The following FARS2 variants were observed in gnomAD, a reference collection of about 807,000 sequenced individuals.
FARS2 encodes phenylalanine--tRNA ligase, mitochondrial.
FARS2 carries 40 observed loss-of-function variants against 46.4 expected under a neutral mutation model. The ratio of observed to expected loss-of-function variants is 0.86; its 90% CI spans 0.67 to 1.12. The LOEUF is 1.12. Ranked by LOEUF, FARS2 falls within the 50% of genes most tolerant of loss-of-function variation. The probability of loss-of-function intolerance (pLI) is 0.00; values close to 1 mark genes in which losing one functional copy is unlikely to be tolerated. For missense variants in FARS2, 513 were observed against 567.9 expected, an observed-to-expected ratio of 0.90 and a Z score of 0.98; for synonymous variants, 234 against 214.9, an observed-to-expected ratio of 1.09 and a Z score of -0.78.
intron 6 of FARS2, among the ~76,000 whole-genome samples, chr6:5,696,064 C>T (rs955004289): frequency 2.6e-5 from 4 of 152,218 alleles, no homozygotes; most frequent in African/African-American, 9.6e-5. Flanking sequence ...GGATAATGTT[C>T]AGTGCTGTCA....
intron 4 of FARS2, chr6:5,458,067 T>A (rs1226948047): frequency 6.6e-6 from 1 of 152,390 alleles, no homozygotes; most frequent in East Asian, 1.9e-4. Flanking sequence ...CCCAGCCCTC[T>A]CCTGCGAGGG....
At chr6:5,666,996 C>A (rs1279398760) in intron 6 of FARS2, among the ~76,000 whole-genome samples, 1 of 152,122 alleles carries the variant, frequency 6.6e-6, no homozygotes, top group Non-Finnish European at 1.5e-5. Context: ...AATGTTCTCA[C>A]GTACAAGTGG....
rs2127642856 is a variant in FARS2, at chr6:5,368,654, G to A, written c.84G>A (p.Gln28=). The change falls in exon 2 of 7, where the codon CAG becomes CAA. Residue 28 remains glutamine, a synonymous_variant. Coordinates refer to ENST00000274680, the MANE Select transcript of FARS2 (RefSeq NM_006567.5). The part of the protein sequence containing the change: ...SKASHISRGH[Q]HQAWGSRPPA... ...CCAGTCACATCTCCAGAGGCCATCA[G>A]CACCAGGCCTGGGGATCGAGGCCTC... 6.2e-7 allele frequency: 1 copy of A among 1,614,200 alleles called. No individual in the cohort carries two copies. The highest frequency in any genetic ancestry group is 8.5e-7 in the Non-Finnish European group (1 of 1,180,038).
intron 4 of FARS2, among the ~76,000 whole-genome samples, chr6:5,464,340 T>A (rs1765400046): frequency 6.6e-6 from 1 of 152,220 alleles, no homozygotes; most frequent in Non-Finnish European, 1.5e-5. Flanking sequence ...TGGACAGTCC[T>A]GACCTGGACT....
rs745482433 is a variant in FARS2, at chr6:5,471,673, G to T, written c.904+40501G>T. On this transcript the variant is annotated intron_variant, in intron 4 of 6. Coordinates refer to ENST00000274680, the MANE Select transcript of FARS2 (RefSeq NM_006567.5). This position sits in a 1 kb window ranked among gnomAD's most constrained non-coding sequence, Gnocchi z 4.1. ...AGCAGTCCTGGAATCCTATTGCCTA[G>T]TGTAGGCAGATCATATTCTGTATGA... Among the ~76,000 whole-genome samples, 2 of 152,200 alleles carry T rather than the reference G, an allele frequency of 1.3e-5. No homozygotes were observed. The highest frequency in any genetic ancestry group is 2.4e-5 in the African/African-American group (1 of 41,450).
At chr6:5,722,803 C>G in intron 6 of FARS2, among the ~76,000 whole-genome samples, 1 of 152,140 alleles carries the variant, frequency 6.6e-6, no homozygotes, top group Non-Finnish European at 1.5e-5. Context: ...CCCCTCACCC[C>G]ACTTCCACCT....
chr6:5,368,665 G>A lies in FARS2; in HGVS notation c.95G>A (p.Trp32Ter), dbSNP rs747659489. 6.2e-7 allele frequency: 1 copy of A among 1,614,162 alleles called. No individual in the cohort carries two copies. The highest frequency in any genetic ancestry group is 8.5e-7 in the Non-Finnish European group (1 of 1,180,024). The stretch of plus-strand genomic sequence containing the variant: ...TCCAGAGGCCATCAGCACCAGGCCT[G>A]GGGATCGAGGCCTCCTGCAGCAGAG... ...HISRGHQHQA[W>*]GSRPPAAECA... The change falls in exon 2 of 7, where the codon TGG becomes TAG. Residue 32 changes from tryptophan (W) to a stop codon, truncating the protein, a stop_gained. Coordinates refer to ENST00000274680, the MANE Select transcript of FARS2 (RefSeq NM_006567.5). LOFTEE classifies it high-confidence loss of function.
intron 4 of FARS2, among the ~76,000 whole-genome samples, chr6:5,540,260 A>G (rs573468860): frequency 1.6e-4 from 24 of 152,276 alleles, no homozygotes; most frequent in African/African-American, 2.2e-4. Flanking sequence ...TGATATTTCT[A>G]TTTTGACAAA....
At chr6:5,523,744 T>G (rs957386245) in intron 4 of FARS2, among the ~76,000 whole-genome samples, 4 of 152,198 alleles carry the variant, frequency 2.6e-5, no homozygotes, top group Non-Finnish European at 5.9e-5. Flanking sequence ...TGTGTGTGTG[T>G]TTTCTCAGCT....
intron 4 of FARS2, among the ~76,000 whole-genome samples, chr6:5,459,151 A>G (rs1423247084): frequency 6.6e-6 from 1 of 152,218 alleles, no homozygotes; most frequent in East Asian, 1.9e-4. Context: ...GCAGTCTAAT[A>G]ATCCGTGTCT....
At chr6:5,712,612 C>G (rs1759244730) in intron 6 of FARS2, among the ~76,000 whole-genome samples, 1 of 152,250 alleles carries the variant, frequency 6.6e-6, no homozygotes, top group Non-Finnish European at 1.5e-5. Context: ...ATTCACTCCC[C>G]TACTTACAAA....
At chr6:5,259,139 T>A (rs997317530), upstream of FARS2, among the ~76,000 whole-genome samples, 1 of 152,198 alleles carries the variant, frequency 6.6e-6, no homozygotes, top group African/African-American at 2.4e-5. Context: ...ACATAAACCC[T>A]CTCCCTGCCA....
intron 1 of FARS2, among the ~76,000 whole-genome samples, chr6:5,262,576 G>A (rs1561915333): frequency 6.6e-6 from 1 of 152,136 alleles, no homozygotes; most frequent in Non-Finnish European, 1.5e-5. Flanking sequence ...ATCACGCCCA[G>A]CCTCTATTTT....
At chr6:5,412,587 C>T (rs781593535) in intron 3 of FARS2, among the ~76,000 whole-genome samples, 5 of 152,178 alleles carry the variant, frequency 3.3e-5, no homozygotes, top group African/African-American at 1.2e-4. Flanking sequence ...TAAGGAATCA[C>T]GTCTTCCATA....
At chr6:5,563,087 GA>G (rs146638264) in intron 5 of FARS2, among the ~76,000 whole-genome samples, 39,354 of 151,712 alleles carry the variant, frequency 0.26, 5,907 homozygotes, top group East Asian at 0.51. Flanking sequence ...GAGACAGAGG[GA>G]GGGGGGCTCC....
rs1194373886 is a variant in FARS2, at chr6:5,764,124, G to A, written c.1218-7167G>A. 6.6e-6 allele frequency among the ~76,000 whole-genome samples: 1 copy of A among 152,034 alleles called. No individual in the cohort carries two copies. Among genetic ancestry groups the A allele is most frequent in the Non-Finnish European group, 1.5e-5 (1 of 68,014 alleles). Reference sequence around the variant, plus strand: ...CTGGCTCTGTATTAACACTCTACACGCCCCCTCATTCAGTCCTCACAAACC... The same window carrying A: ...CTGGCTCTGTATTAACACTCTACACACCCCCTCATTCAGTCCTCACAAACC... On this transcript the variant is annotated intron_variant, in intron 6 of 6. Coordinates refer to ENST00000274680, the MANE Select transcript of FARS2 (RefSeq NM_006567.5). This position sits in a 1 kb window ranked among gnomAD's most constrained non-coding sequence, Gnocchi z 4.1.
At chr6:5,288,181 C>T (rs1285119316) in intron 1 of FARS2, among the ~76,000 whole-genome samples, 1 of 152,168 alleles carries the variant, frequency 6.6e-6, no homozygotes, top group Non-Finnish European at 1.5e-5. Flanking sequence ...GTGCTGAGTC[C>T]AGTGATCATC....
intron 6 of FARS2, among the ~76,000 whole-genome samples, chr6:5,714,962 T>G (rs1759404491): frequency 6.6e-6 from 1 of 152,076 alleles, no homozygotes; most frequent in Non-Finnish European, 1.5e-5. Context: ...GAGGTAGAGG[T>G]TGCAGTGAGT....
At chr6:5,604,199 C>T (rs565456210) in intron 5 of FARS2, among the ~76,000 whole-genome samples, 9 of 152,134 alleles carry the variant, frequency 5.9e-5, no homozygotes, top group Admixed American at 2.0e-4. Context: ...TGCGAGGTTG[C>T]CAGGGGGCCC....
Sources: gnomAD v4.1 joint callset for allele counts (sites outside exome capture counted in the v4.1 genomes callset) on GRCh38, gnomAD v4.1.1 for gene constraint, Gnocchi (gnomAD v3.1) non-coding constraint, MANE v1.5 for transcripts, NCBI Gene and HGNC (gene_info 2026-07-23, HGNC 2026-07-21) for gene names.